The following PRKAG2 variants were observed in gnomAD, a reference collection of about 807,000 sequenced individuals.
PRKAG2 encodes the protein protein kinase AMP-activated non-catalytic subunit gamma 2.
In PRKAG2, 26 loss-of-function variants were observed where a neutral mutation model predicts 69.6. That is an observed-to-expected ratio of 0.37 (90% CI 0.27 to 0.52). PRKAG2 has a LOEUF of 0.52. Among genes scored for constraint, PRKAG2 ranks in the 20% least tolerant of loss-of-function variants. The probability of loss-of-function intolerance (pLI) is 0.90; values close to 1 mark genes in which losing one functional copy is unlikely to be tolerated. For missense variants in PRKAG2, 557 were observed against 740.0 expected (o/e 0.75, Z 2.87); for synonymous variants, 293 against 285.0 (o/e 1.03, Z -0.28).
At chr7:151,731,880 C>G (rs1011688559) in intron 3 of PRKAG2, among the ~76,000 whole-genome samples, 4 of 152,188 alleles carry the variant, frequency 2.6e-5, no homozygotes, top group Non-Finnish European at 5.9e-5. Flanking sequence ...CTCTGTCTCC[C>G]AGGCTGGAGT....
chr7:151,777,167 C>T lies in PRKAG2; in HGVS notation c.466+3985G>A, dbSNP rs1024395401. Among the ~76,000 whole-genome samples the T allele has an allele frequency of 2.0e-5, 3 of 152,170 alleles. No individual in the cohort carries two copies. The highest frequency in any genetic ancestry group is 6.5e-5 in the Admixed American group (1 of 15,288). On this transcript the variant is annotated intron_variant, in intron 3 of 15. Transcript: ENST00000287878. This position sits in a 1 kb window ranked among gnomAD's most constrained non-coding sequence, Gnocchi z 4.3. ...AGACCACAGGCCCCAATGGAAGGGGCCATGGCCAGGTTCAGCATGGGCCCC... is the reference window on the plus strand; with the variant it reads ...AGACCACAGGCCCCAATGGAAGGGGTCATGGCCAGGTTCAGCATGGGCCCC...
intron 1 of PRKAG2, among the ~76,000 whole-genome samples, chr7:151,868,602 C>A (rs539583445): frequency 6.6e-6 from 1 of 152,356 alleles, no homozygotes; most frequent in Non-Finnish European, 1.5e-5. Flanking sequence ...GCTGGTTCAC[C>A]GTCCTGAAAG....
chr7:151,772,680 C>A (rs751893858), intron 3 of PRKAG2, among the ~76,000 whole-genome samples: 1 of 152,036 alleles, frequency 6.6e-6, no homozygotes, highest in Admixed American at 6.6e-5. Context: ...TAGTTCCACA[C>A]GGAAATTATT....
Position 151,730,881 on chromosome 7 carries a change from G to T in PRKAG2, c.466+50271C>A, listed in dbSNP as rs1305850240. On this transcript the variant is annotated intron_variant, in intron 3 of 15. Coordinates refer to ENST00000287878, the MANE Select transcript of PRKAG2 (RefSeq NM_016203.4). ...GCCGTTGCGTAGTCATGCGGTGTGG[G>T]CTCATGGAAGGGGAGGTGGGTATAA... 2.0e-5 allele frequency among the ~76,000 whole-genome samples: 3 copies of T among 152,290 alleles called. No individual in the cohort carries two copies. The East Asian group carries it at 5.8e-4, about 29-fold the overall frequency.
chr7:151,764,318 G>C (rs2075610231), intron 3 of PRKAG2, among the ~76,000 whole-genome samples: 1 of 152,236 alleles, frequency 6.6e-6, no homozygotes. Context: ...GCCCAGGAGA[G>C]TGATGGAGAG....
At chr7:151,808,040 C>T (rs2078210227) in intron 1 of PRKAG2, among the ~76,000 whole-genome samples, 1 of 152,190 alleles carries the variant, frequency 6.6e-6, no homozygotes, top group Non-Finnish European at 1.5e-5. Context: ...CGCAGCAAGA[C>T]GACGGCAGAT....
chr7:151,809,529 A>G (rs2078307225), intron 1 of PRKAG2: 1 of 245,420 alleles, frequency 4.1e-6, no homozygotes, highest in Non-Finnish European at 8.2e-6. Flanking sequence ...TGCTCTTCAG[A>G]TGCAAACTCC....
At chr7:151,594,360 T>C (rs951316014) in intron 6 of PRKAG2, among the ~76,000 whole-genome samples, 30 of 152,260 alleles carry the variant, frequency 2.0e-4, no homozygotes, top group Admixed American at 6.5e-5. Context: ...ACACTAAATG[T>C]ATACGCACAG....
chr7:151,625,954 T>TA lies in PRKAG2; in HGVS notation c.754+6114dup, dbSNP rs201767285. On this transcript the variant is annotated intron_variant, in intron 5 of 15. Coordinates refer to ENST00000287878, the MANE Select transcript of PRKAG2 (RefSeq NM_016203.4). ...GGGGAATCGTATGGGATGTGAGTTA[T>TA]ATCACAGGGGTCCGAAGCATGGGTA... Among the ~76,000 whole-genome samples, 327 of 152,234 alleles carry TA rather than the reference T, an allele frequency of 2.1e-3. 1 individual carries two copies. Among genetic ancestry groups the TA allele is most frequent in the African/African-American group, 7.5e-3 (312 of 41,518 alleles).
intron 1 of PRKAG2, among the ~76,000 whole-genome samples, chr7:151,868,327 G>A (rs190671246): frequency 1.9e-4 from 29 of 152,234 alleles, no homozygotes; most frequent in African/African-American, 5.8e-4. Context: ...AGCTCAGCTC[G>A]TTAATAGCTA....
chr7:151,753,741 A>G (rs2074870857), intron 3 of PRKAG2, among the ~76,000 whole-genome samples: 1 of 152,076 alleles, frequency 6.6e-6, no homozygotes, highest in South Asian at 2.1e-4. Context: ...TAAAAAAGGA[A>G]TTAAGAAATA....
At chr7:151,779,031 T>C (rs2076541333) in intron 3 of PRKAG2, among the ~76,000 whole-genome samples, 1 of 152,234 alleles carries the variant, frequency 6.6e-6, no homozygotes, top group Admixed American at 6.5e-5. Flanking sequence ...TCTTCCCCCA[T>C]AAATGCTTTC....
intron 3 of PRKAG2, among the ~76,000 whole-genome samples, chr7:151,683,014 TCTC>T (rs1223712093): frequency 5.3e-5 from 8 of 152,198 alleles, no homozygotes; most frequent in Non-Finnish European, 8.8e-5. Flanking sequence ...TGAGAAGACA[TCTC>T]CTCCTTTTTC....
chr7:151,746,915 A>T (rs1440171852), intron 3 of PRKAG2, among the ~76,000 whole-genome samples: 1 of 152,262 alleles, frequency 6.6e-6, no homozygotes, highest in Non-Finnish European at 1.5e-5. Flanking sequence ...CCAGTGCTCA[A>T]AGCCCCAGCA....
At chr7:151,693,702 G>A (rs1836081507) in intron 3 of PRKAG2, among the ~76,000 whole-genome samples, 1 of 152,160 alleles carries the variant, frequency 6.6e-6, no homozygotes, top group South Asian at 2.1e-4. Flanking sequence ...CTTGGGAGGT[G>A]AGGAGGGTGG....
chr7:151,695,401 T>C (rs1836438892), intron 3 of PRKAG2, among the ~76,000 whole-genome samples: 1 of 152,066 alleles, frequency 6.6e-6, no homozygotes, highest in African/African-American at 2.4e-5. Flanking sequence ...TCAGGTGCAT[T>C]CTTTTGAGAG....
chr7:151,717,583 C>T (rs939234307), intron 3 of PRKAG2, among the ~76,000 whole-genome samples: 7 of 152,198 alleles, frequency 4.6e-5, no homozygotes, highest in African/African-American at 1.4e-4. Flanking sequence ...CCAGACTCAC[C>T]GGCTGGTACA....
At chr7:151,584,177 C>T (rs76148215) in intron 6 of PRKAG2, among the ~76,000 whole-genome samples, 2,810 of 152,278 alleles carry the variant, frequency 0.018, 111 homozygotes, top group East Asian at 0.16. Context: ...AGTACTCCTT[C>T]GACTTCAGAA....
chr7:151,774,237 G>A (rs1036467979), intron 3 of PRKAG2, among the ~76,000 whole-genome samples: 37 of 152,026 alleles, frequency 2.4e-4, no homozygotes, highest in African/African-American at 7.7e-4. Context: ...GAAAGACTAC[G>A]GCAACTCCAT....
Sources: allele counts gnomAD v4.1 joint callset (sites outside exome capture counted in the v4.1 genomes callset), GRCh38; gene constraint gnomAD v4.1.1; non-coding constraint Gnocchi (gnomAD v3.1); transcripts MANE v1.5; gene names NCBI Gene and HGNC (gene_info 2026-07-23, HGNC 2026-07-21).